Variants in CTIF observed in about 807,000 individuals in gnomAD.
CTIF encodes the protein cap binding complex dependent translation initiation factor.
CTIF carries 21 observed loss-of-function variants against 66.0 expected under a neutral mutation model. That is an observed-to-expected ratio of 0.32 (90% confidence interval 0.23 to 0.46). The LOEUF is 0.46. Among genes scored for constraint, CTIF ranks in the 20% least tolerant of loss-of-function variants. The pLI is 1.00. For synonymous variants in CTIF, 345 were observed against 326.4 expected, an observed-to-expected ratio of 1.06 and a Z score of -0.62; for missense variants, 739 against 812.7, an observed-to-expected ratio of 0.91 and a Z score of 1.10.
intron 7 of CTIF, among the ~76,000 whole-genome samples, chr18:48,735,270 G>A (rs1447890496): frequency 1.3e-5 from 2 of 152,212 alleles, no homozygotes; most frequent in Non-Finnish European, 2.9e-5. Flanking sequence ...TTCCTGATAA[G>A]TGACTGAGCA....
intron 8 of CTIF, chr18:48,760,341 G>T (rs944293627): frequency 1.3e-5 from 2 of 152,082 alleles, no homozygotes; most frequent in Admixed American, 1.3e-4. Flanking sequence ...CCAGAGACTA[G>T]CTGCCCTTGG....
chr18:48,640,061 G>C (rs754944417), intron 3 of CTIF, among the ~76,000 whole-genome samples: 11 of 152,192 alleles, frequency 7.2e-5, no homozygotes, highest in Non-Finnish European at 1.5e-4. Flanking sequence ...GAGGACCCAG[G>C]CAGCTGCCCA....
chr18:48,593,178 C>T (rs1042990374), intron 1 of CTIF, among the ~76,000 whole-genome samples: 2 of 152,112 alleles, frequency 1.3e-5, no homozygotes, highest in African/African-American at 4.8e-5. Flanking sequence ...GTACAGTTGG[C>T]AGAAATGCCC....
chr18:48,594,870 C>T (rs2089961172), intron 1 of CTIF, among the ~76,000 whole-genome samples: 1 of 152,216 alleles, frequency 6.6e-6, no homozygotes, highest in Non-Finnish European at 1.5e-5. Context: ...TGAGGATGTG[C>T]TGCAAGTCCC....
intron 9 of CTIF, among the ~76,000 whole-genome samples, chr18:48,806,925 A>C (rs2068159601): frequency 6.6e-6 from 1 of 152,176 alleles, no homozygotes; most frequent in Admixed American, 6.5e-5. Flanking sequence ...AGTTTGGGGA[A>C]AGGCACTAGG....
intron 2 of CTIF, 92 bp from the exon 3 acceptor site, chr18:48,636,522 G>C: frequency 1.1e-6 from 1 of 889,978 alleles, no homozygotes; most frequent in Non-Finnish European, 1.6e-6. Context: ...TCATGCTAAT[G>C]GGGAAGGCCA....
chr18:48,647,007 A>T (rs1208869239), intron 3 of CTIF, among the ~76,000 whole-genome samples: 1 of 151,794 alleles, frequency 6.6e-6, no homozygotes, highest in Non-Finnish European at 1.5e-5. Context: ...ACTTATGTTC[A>T]CACAAAAACT....
intron 7 of CTIF, among the ~76,000 whole-genome samples, chr18:48,751,654 C>A (rs1335891173): frequency 6.6e-6 from 1 of 152,192 alleles, no homozygotes; most frequent in Non-Finnish European, 1.5e-5. Flanking sequence ...TATCAGGAGT[C>A]TGGAGGGCTC....
chr18:48,721,948 G>C (rs1279327211), intron 7 of CTIF, among the ~76,000 whole-genome samples: 4 of 152,218 alleles, frequency 2.6e-5, no homozygotes. Flanking sequence ...GCGAGGTGAA[G>C]ATGAAAAGGG....
chr18:48,786,550 A>G (rs2146098213), intron 9 of CTIF, among the ~76,000 whole-genome samples: 1 of 152,348 alleles, frequency 6.6e-6, no homozygotes, highest in East Asian at 1.9e-4. Context: ...GATTGAAAGC[A>G]GTTCCTGGAA....
At chr18:48,619,775 T>C in intron 2 of CTIF, 30 bp downstream of exon 2, 1 of 1,492,250 alleles carries the variant, frequency 6.7e-7, no homozygotes. Flanking sequence ...TGGGGCAGCT[T>C]GGGAAATTCA....
intron 7 of CTIF, among the ~76,000 whole-genome samples, chr18:48,713,674 G>T (rs1195176143): frequency 6.6e-6 from 1 of 152,174 alleles, no homozygotes; most frequent in Non-Finnish European, 1.5e-5. Context: ...GGCCAGGGAA[G>T]AGGAGGCCGG....
At chr18:48,670,494 C>G (rs74363574) in intron 5 of CTIF, 175 bp from the exon 6 acceptor site, 4 of 546,730 alleles carry the variant, frequency 7.3e-6, no homozygotes, top group Admixed American at 6.1e-5. Flanking sequence ...GACCCCCCCC[C>G]CACACACACA....
chr18:48,723,990 G>A (rs1043898006), intron 7 of CTIF, among the ~76,000 whole-genome samples: 6 of 152,172 alleles, frequency 3.9e-5, no homozygotes, highest in African/African-American at 1.4e-4. Flanking sequence ...TCCCAGAGGC[G>A]ATGCCTGTAC....
chr18:48,581,288 T>G (rs1341285876), intron 1 of CTIF, among the ~76,000 whole-genome samples: 2 of 152,218 alleles, frequency 1.3e-5, no homozygotes, highest in Non-Finnish European at 2.9e-5. Flanking sequence ...ATGAATTGTG[T>G]AACTTATCTG....
At chr18:48,541,529 C>A (rs1403365087) in intron 1 of CTIF, among the ~76,000 whole-genome samples, 1 of 152,236 alleles carries the variant, frequency 6.6e-6, no homozygotes, top group Non-Finnish European at 1.5e-5. Context: ...CAGGCTCGGG[C>A]TGCGCGAGGA....
At chr18:48,765,334 G>T (rs912614739) in intron 9 of CTIF, among the ~76,000 whole-genome samples, 1 of 152,100 alleles carries the variant, frequency 6.6e-6, no homozygotes, top group African/African-American at 2.4e-5. Flanking sequence ...CACCTGGTTG[G>T]GTTTGGCAGC....
chr18:48,600,377 C>T (rs1268271122), intron 1 of CTIF, among the ~76,000 whole-genome samples: 3 of 152,086 alleles, frequency 2.0e-5, no homozygotes, highest in Admixed American at 6.5e-5. Context: ...CCATGGGCAC[C>T]TTTGTAACTG....
intron 6 of CTIF, among the ~76,000 whole-genome samples, chr18:48,677,084 G>A (rs755969468): frequency 3.9e-5 from 6 of 152,144 alleles, no homozygotes; most frequent in Non-Finnish European, 8.8e-5. Context: ...ATGAGAAGGA[G>A]TAACTTTATT....
Sources: allele counts gnomAD v4.1 joint callset (sites outside exome capture counted in the v4.1 genomes callset), GRCh38; gene constraint gnomAD v4.1.1; transcripts MANE v1.5; gene names NCBI Gene and HGNC (gene_info 2026-07-23, HGNC 2026-07-21).